SNRK: variants seen among roughly 807,000 people sequenced by gnomAD.
SNRK encodes SNF related kinase.
In SNRK, 3 loss-of-function variants were observed where a neutral mutation model predicts 48.2. The ratio of observed to expected loss-of-function variants is 0.06; its 90% CI spans 0.03 to 0.16. The LOEUF (loss-of-function observed/expected upper bound fraction) is 0.16, where lower values mean the gene tolerates loss of function less well. Among genes scored for constraint, SNRK ranks in the 10% least tolerant of loss-of-function variants. The probability of loss-of-function intolerance (pLI) is 1.00; values close to 1 mark genes in which losing one functional copy is unlikely to be tolerated. For missense variants in SNRK, 627 were observed against 976.0 expected (o/e 0.64, Z 4.76); for synonymous variants, 376 against 366.1 (o/e 1.03, Z -0.31).
At chr3:43,307,685 ATC>A (rs145070630) in intron 3 of SNRK, among the ~76,000 whole-genome samples, 338 of 150,266 alleles carry the variant, frequency 2.2e-3, no homozygotes, top group Non-Finnish European at 4.4e-3. Context: ...CCATTCCCCC[ATC>A]TCTCTCTCTC....
intron 1 of SNRK, among the ~76,000 whole-genome samples, chr3:43,296,972 C>G (rs1559458744): frequency 1.3e-5 from 2 of 152,156 alleles, no homozygotes; most frequent in African/African-American, 4.8e-5. Context: ...GTTTCTCAGA[C>G]ATAAGTTTTT....
chr3:43,298,485 A>C (rs1443137830), intron 1 of SNRK, among the ~76,000 whole-genome samples: 1 of 152,092 alleles, frequency 6.6e-6, no homozygotes, highest in African/African-American at 2.4e-5. Flanking sequence ...TGTGCTGCAG[A>C]ACTGTTGCTC....
intron 2 of SNRK, among the ~76,000 whole-genome samples, chr3:43,301,537 A>T (rs904427465): frequency 1.3e-5 from 2 of 152,194 alleles, no homozygotes; most frequent in African/African-American, 4.8e-5. Flanking sequence ...AGGCCAAGGC[A>T]GGAGGATTGC....
At chr3:43,332,846 A>C (rs1161346911) in intron 4 of SNRK, 1 of 152,258 alleles carries the variant, frequency 6.6e-6, no homozygotes, top group Non-Finnish European at 1.5e-5. Context: ...CAGCATAAAA[A>C]GTATACTCAA....
At chr3:43,342,693 G>C (rs1163524943) in intron 5 of SNRK, among the ~76,000 whole-genome samples, 5 of 152,238 alleles carry the variant, frequency 3.3e-5, no homozygotes, top group Non-Finnish European at 4.4e-5. Context: ...AAGAGAGTGG[G>C]CAGGGCTGTG....
intron 2 of SNRK, among the ~76,000 whole-genome samples, chr3:43,302,571 G>T (rs974223816): frequency 6.6e-6 from 1 of 151,848 alleles, no homozygotes; most frequent in Non-Finnish European, 1.5e-5. Context: ...GTCCCAAGGT[G>T]CTCTGGGGAT....
rs2091306339 is a variant in SNRK at position 43,349,481 on chromosome 3, C to T, written c.*924C>T. Reference sequence around the variant, plus strand: ...AAAGTCAAAACCCCATGAATTAAAACCTACTGGAATTTGGTTTTTAGGAGT... The same window carrying T: ...AAAGTCAAAACCCCATGAATTAAAATCTACTGGAATTTGGTTTTTAGGAGT... On this transcript the variant is annotated 3_prime_UTR_variant, in exon 7 of 7. Transcript: ENST00000296088. The T allele has an allele frequency of 6.6e-6, 1 of 152,254 alleles. No individual in the cohort carries two copies. Among genetic ancestry groups the T allele is most frequent in the Non-Finnish European group, 1.5e-5 (1 of 68,026 alleles). 9.4% of individuals were successfully genotyped at this position (152,254 alleles called of 1,614,324 possible).
intron 4 of SNRK, chr3:43,332,767 A>G (rs575467051): frequency 2.6e-5 from 4 of 152,610 alleles, no homozygotes; most frequent in African/African-American, 9.6e-5. Context: ...AGTATGTCTC[A>G]TAATTTTCTT....
chr3:43,314,438 G>A (rs2091000628), intron 3 of SNRK, among the ~76,000 whole-genome samples: 1 of 152,078 alleles, frequency 6.6e-6, no homozygotes, highest in Non-Finnish European at 1.5e-5. Context: ...TTAACTTACT[G>A]TTTCTTATCA....
chr3:43,344,843 C>A lies in SNRK; in HGVS notation c.1079+1365C>A, dbSNP rs776840350. ...AACCCCAAGGCAGATCATCACTACT[C>A]GCCAGGTGCACCGAGACTGGAGCTA... On this transcript the variant is annotated intron_variant, in intron 6 of 6. Transcript: ENST00000296088. 3.3e-5 allele frequency among the ~76,000 whole-genome samples: 5 copies of A among 152,138 alleles called. No individual in the cohort carries two copies. In the South Asian group the frequency reaches 1.0e-3, roughly 32 times the overall value.
At chr3:43,341,186 T>A (rs531546883) in intron 5 of SNRK, among the ~76,000 whole-genome samples, 1 of 152,120 alleles carries the variant, frequency 6.6e-6, no homozygotes, top group South Asian at 2.1e-4. Context: ...AGTCTCGCTC[T>A]GTCGCTCAGG....
chr3:43,339,540 G>T (rs1004440949), intron 4 of SNRK, among the ~76,000 whole-genome samples: 1 of 151,844 alleles, frequency 6.6e-6, no homozygotes, highest in Non-Finnish European at 1.5e-5. Context: ...TACATGGGCC[G>T]GGCGCGGTGG....
At chr3:43,299,163 A>G (rs984434417) in intron 1 of SNRK, among the ~76,000 whole-genome samples, 2 of 152,094 alleles carry the variant, frequency 1.3e-5, no homozygotes, top group African/African-American at 4.8e-5. Flanking sequence ...AAAAATGGCA[A>G]TTGTACTGTT....
At chr3:43,339,618 C>T (rs1410244172) in intron 4 of SNRK, among the ~76,000 whole-genome samples, 4 of 151,572 alleles carry the variant, frequency 2.6e-5, no homozygotes, top group Middle Eastern at 3.4e-3. Context: ...GAGATCAAGA[C>T]CATCCTGGCC....
intron 5 of SNRK, among the ~76,000 whole-genome samples, chr3:43,341,044 ATATT>A (rs10540846): frequency 0.068 from 10,317 of 152,134 alleles, 973 homozygotes; most frequent in African/African-American, 0.22. Context: ...AAAGCCTGAA[ATATT>A]TATTATCTGG....
chr3:43,298,534 T>C (rs2090874336), intron 1 of SNRK, among the ~76,000 whole-genome samples: 1 of 152,168 alleles, frequency 6.6e-6, no homozygotes, highest in South Asian at 2.1e-4. Context: ...TGCTTTCATA[T>C]CCAGAGGTCA....
chr3:43,291,947 G>A (rs930628133), intron 1 of SNRK, among the ~76,000 whole-genome samples: 1 of 152,198 alleles, frequency 6.6e-6, no homozygotes, highest in Non-Finnish European at 1.5e-5. Context: ...GCTTGGCCCT[G>A]CTTTTTCATT....
intron 1 of SNRK, among the ~76,000 whole-genome samples, chr3:43,290,043 G>A (rs1054242215): frequency 3.3e-5 from 5 of 152,154 alleles, no homozygotes. Context: ...AATGCTCCAG[G>A]AACCTGGATT....
chr3:43,329,130 G>A (rs1462468981), intron 3 of SNRK, among the ~76,000 whole-genome samples: 5 of 152,058 alleles, frequency 3.3e-5, no homozygotes, highest in African/African-American at 9.7e-5. Context: ...TCTTTCCTTT[G>A]GCCCTTGGGA....
Sources: allele counts gnomAD v4.1 joint callset (sites outside exome capture counted in the v4.1 genomes callset), GRCh38; gene constraint gnomAD v4.1.1; transcripts MANE v1.5; gene names NCBI Gene and HGNC (gene_info 2026-07-23, HGNC 2026-07-21).